GRID2: variants seen among roughly 807,000 people sequenced by gnomAD.
GRID2 encodes the protein glutamate ionotropic receptor delta type subunit 2, also known as glutamate receptor ionotropic, delta-2.
A neutral mutation model predicts 114.8 loss-of-function variants in GRID2; 33 were observed. That is an observed-to-expected ratio of 0.29 (90% CI 0.22 to 0.38). GRID2 has a LOEUF of 0.38. Among genes scored for constraint, GRID2 ranks in the 10% least tolerant of loss-of-function variants. The pLI is 1.00. For synonymous variants in GRID2, 505 were observed against 449.9 expected (o/e 1.12, Z -1.55); for missense variants, 1,184 against 1,257.7 (o/e 0.94, Z 0.89).
chr4:92,832,059 C>A (rs980063558), intron 2 of GRID2, among the ~76,000 whole-genome samples: 1 of 151,602 alleles, frequency 6.6e-6, no homozygotes, highest in African/African-American at 2.4e-5. Flanking sequence ...TATTAATATG[C>A]TTTATATGTA....
At chr4:93,076,090 G>T (rs889027476) in intron 2 of GRID2, among the ~76,000 whole-genome samples, 1 of 151,768 alleles carries the variant, frequency 6.6e-6, no homozygotes, top group Non-Finnish European at 1.5e-5. Flanking sequence ...TTTTAGTAGA[G>T]ACGGGTTTCA....
chr4:92,658,314 T>C (rs1469366255), intron 2 of GRID2, among the ~76,000 whole-genome samples: 2 of 151,844 alleles, frequency 1.3e-5, no homozygotes, highest in Non-Finnish European at 2.9e-5. Flanking sequence ...TAAATACTTC[T>C]ATTAAAATAT....
intron 2 of GRID2, among the ~76,000 whole-genome samples, chr4:92,793,458 T>C (rs1451919175): frequency 6.6e-6 from 1 of 151,520 alleles, no homozygotes; most frequent in Non-Finnish European, 1.5e-5. Context: ...GCTTAACACC[T>C]GGGAGATGAA....
intron 4 of GRID2, among the ~76,000 whole-genome samples, chr4:93,115,398 T>TATAGACACACACACAC (rs1217656948): frequency 0.011 from 684 of 63,546 alleles, 10 homozygotes; most frequent in African/African-American, 0.037. Context: ...TCCAAGTATA[T>TATAGACACACACACAC]ACAGACACAC....
intron 2 of GRID2, among the ~76,000 whole-genome samples, chr4:92,617,281 A>G (rs146376485): frequency 1.3e-5 from 2 of 151,372 alleles, no homozygotes; most frequent in African/African-American, 4.8e-5. Flanking sequence ...ATAGGTATAC[A>G]TATGCCATGG....
intron 2 of GRID2, among the ~76,000 whole-genome samples, chr4:93,047,456 T>C (rs1480846507): frequency 6.6e-6 from 1 of 152,124 alleles, no homozygotes; most frequent in Non-Finnish European, 1.5e-5. Context: ...TTGATTTTTC[T>C]ATAAATCTAA....
intron 8 of GRID2, among the ~76,000 whole-genome samples, chr4:93,360,153 A>G (rs919087184): frequency 6.6e-6 from 1 of 151,840 alleles, no homozygotes; most frequent in Non-Finnish European, 1.5e-5. Context: ...TTTATTTTCT[A>G]CTCTTAACTG....
intron 2 of GRID2, among the ~76,000 whole-genome samples, chr4:93,053,101 T>A (rs953847137): frequency 1.3e-4 from 19 of 151,914 alleles, no homozygotes; most frequent in African/African-American, 4.6e-4. Context: ...CCCACTCTAC[T>A]ATTACTGAAG....
At chr4:92,724,747 A>G (rs1414967021) in intron 2 of GRID2, among the ~76,000 whole-genome samples, 2 of 152,164 alleles carry the variant, frequency 1.3e-5, no homozygotes, top group African/African-American at 2.4e-5. Flanking sequence ...GAAATCAAGG[A>G]ATGCTGTGAA....
intron 1 of GRID2, among the ~76,000 whole-genome samples, chr4:92,419,063 G>C (rs1168022991): frequency 6.6e-6 from 1 of 152,036 alleles, no homozygotes; most frequent in African/African-American, 2.4e-5. Context: ...ATTTGCCTCT[G>C]CTATAGTGGG....
rs1298914561 is a variant in GRID2, at chr4:92,604,997, A to AG, written c.244+14716dup. 2.0e-5 allele frequency among the ~76,000 whole-genome samples: 3 copies of AG among 152,184 alleles called. No homozygotes were observed. The South Asian group carries it at 6.2e-4, about 32-fold the overall frequency. ...TCTCGCAAGATCTGATGGTTTTATA[A>AG]GGGGGTCTTTCCCCTTGCTTAGTAT... On this transcript the variant is annotated intron_variant, in intron 2 of 15. Transcript: ENST00000282020.
chr4:93,785,984 A>G (rs558169819), intron 1 of GRID2, among the ~76,000 whole-genome samples: 1 of 152,362 alleles, frequency 6.6e-6, no homozygotes, highest in East Asian at 1.9e-4. Context: ...CTGGACATCC[A>G]ACACTGTGGA....
intron 2 of GRID2, among the ~76,000 whole-genome samples, chr4:92,825,924 T>G (rs533167870): frequency 6.6e-6 from 1 of 152,154 alleles, no homozygotes; most frequent in Admixed American, 6.6e-5. Flanking sequence ...CCACTTTTGG[T>G]TTGATATATT....
At chr4:92,415,710 ATG>A (rs113594102) in intron 1 of GRID2, among the ~76,000 whole-genome samples, 23,361 of 106,830 alleles carry the variant, frequency 0.22, 2,674 homozygotes, top group Middle Eastern at 0.36. Context: ...ATGCGCATGT[ATG>A]TGTGTGTGTG....
At chr4:93,731,289 C>T (rs1447423557) in intron 14 of GRID2, among the ~76,000 whole-genome samples, 1 of 152,028 alleles carries the variant, frequency 6.6e-6, no homozygotes, top group Non-Finnish European at 1.5e-5. Context: ...CAGTCGACAA[C>T]TGAGTTGTTA....
At position 92,823,348 on chromosome 4, in the gene GRID2, C is replaced by T. The variant is rs148026261; in HGVS notation, c.244+233062C>T. Among the ~76,000 whole-genome samples the T allele has an allele frequency of 1.8e-4, 27 of 152,218 alleles. No individual in the cohort carries two copies. In the East Asian group the frequency reaches 5.0e-3, roughly 28 times the overall value. On this transcript the variant is annotated intron_variant, in intron 2 of 15. Transcript: ENST00000282020. ...ATATACAGAGCTTATCTCTTATTTG[C>T]TGCCAATCCCTAGCACCCTGTACAA...
intron 1 of GRID2, among the ~76,000 whole-genome samples, chr4:92,454,205 CAAAAT>C (rs1721093933): frequency 6.6e-6 from 1 of 152,030 alleles, no homozygotes; most frequent in Admixed American, 6.6e-5. Flanking sequence ...AAAACAATGA[CAAAAT>C]AATTAGATTT....
intron 14 of GRID2, among the ~76,000 whole-genome samples, chr4:93,758,349 A>G (rs1578749991): frequency 6.6e-6 from 1 of 152,350 alleles, no homozygotes; most frequent in East Asian, 1.9e-4. Flanking sequence ...GAATTTATCC[A>G]CAAACTGTAA....
chr4:92,634,362 G>A (rs1730960501), intron 2 of GRID2, among the ~76,000 whole-genome samples: 1 of 152,018 alleles, frequency 6.6e-6, no homozygotes, highest in African/African-American at 2.4e-5. Context: ...TTGTTCCTAG[G>A]GCACTCTTAA....
Sources: allele counts gnomAD v4.1 joint callset (sites outside exome capture counted in the v4.1 genomes callset), GRCh38; gene constraint gnomAD v4.1.1; transcripts MANE v1.5; gene names NCBI Gene and HGNC (gene_info 2026-07-23, HGNC 2026-07-21).